The following CCDC40 variants were observed in gnomAD, a reference collection of about 807,000 sequenced individuals.
CCDC40 encodes coiled-coil domain 40 molecular ruler complex subunit.
In CCDC40, 104 loss-of-function variants were observed where a neutral mutation model predicts 124.5. That is an observed-to-expected ratio of 0.84 (90% confidence interval 0.71 to 0.98). The LOEUF (loss-of-function observed/expected upper bound fraction) is 0.98, where lower values mean the gene tolerates loss of function less well. Among genes scored for constraint, CCDC40 ranks in the 50% least tolerant of loss-of-function variants. The pLI is 0.00. For synonymous variants in CCDC40, 580 were observed against 602.9 expected, an observed-to-expected ratio of 0.96 and a Z score of 0.56; for missense variants, 1,463 against 1,503.9, an observed-to-expected ratio of 0.97 and a Z score of 0.45.
At chr17:80,052,161 G>A (rs554011203) in intron 7 of CCDC40, among the ~76,000 whole-genome samples, 1 of 152,344 alleles carries the variant, frequency 6.6e-6, no homozygotes, top group African/African-American at 2.4e-5. Flanking sequence ...GGGTTGTCTA[G>A]AGGGACAGAA....
At chr17:80,050,889 G>A (rs1402439122) in intron 7 of CCDC40, among the ~76,000 whole-genome samples, 1 of 152,206 alleles carries the variant, frequency 6.6e-6, no homozygotes, top group Non-Finnish European at 1.5e-5. Context: ...GAGCAGACCG[G>A]GGGTGATGGA....
chr17:80,048,854 C>T, intron 5 of CCDC40, 93 bp downstream of exon 5: 1 of 1,133,172 alleles, frequency 8.8e-7, no homozygotes, highest in East Asian at 2.6e-5. Flanking sequence ...CACTCCTGAC[C>T]CTAAATGCTG....
chr17:80,039,742 A>G (rs530615141), intron 2 of CCDC40, 70 bp from the exon 3 acceptor site: 21 of 1,560,298 alleles, frequency 1.3e-5, no homozygotes, highest in African/African-American at 6.8e-5. Flanking sequence ...TAATTACACT[A>G]TAAAGAATAA....
At chr17:80,053,930 C>T (rs940360553) in intron 7 of CCDC40, among the ~76,000 whole-genome samples, 2 of 152,294 alleles carry the variant, frequency 1.3e-5, no homozygotes, top group Non-Finnish European at 1.5e-5. Flanking sequence ...TTAACAACAA[C>T]GGGAAGTCCA....
rs1229386289 is a variant in CCDC40 at position 80,100,020 on chromosome 17, GACCCACAC to G, written c.*254_*261del. 16 of 545,818 alleles carry G rather than the reference GACCCACAC, an allele frequency of 2.9e-5. No individual in the cohort carries two copies. The highest frequency in any genetic ancestry group is 5.3e-5 in the Non-Finnish European group (16 of 303,756). The allele number at this position is 545,818 out of a possible 1,614,324, so 33.8% of individuals were successfully genotyped here. A position where few individuals can be genotyped will look rare whatever the true frequency, so the allele number is the denominator to read the frequency against. On this transcript the variant is annotated 3_prime_UTR_variant, in exon 20 of 20. Transcript: ENST00000397545. ...CGCAAAGACAGAGCCTGTGACTGCA[GACCCACAC>G]ACCCACACTCCCACACTGGGCTTAC...
chr17:80,090,317 C>A (rs2038692441), intron 17 of CCDC40: 1 of 1,121,308 alleles, frequency 8.9e-7, no homozygotes, highest in Non-Finnish European at 1.2e-6. Flanking sequence ...ACGAACAACA[C>A]GGGACGCGCG....
chr17:80,057,643 A>G (rs982524458), intron 7 of CCDC40, among the ~76,000 whole-genome samples: 2 of 151,698 alleles, frequency 1.3e-5, no homozygotes, highest in South Asian at 2.1e-4. Context: ...TTGGGAGGCC[A>G]AGGTGGGTGG....
chr17:80,055,997 TATATATATATA>T lies in CCDC40; in HGVS notation c.1160-2496_1160-2486del, dbSNP rs1440812750. Among the ~76,000 whole-genome samples the T allele has an allele frequency of 4.1e-3, 49 of 11,924 alleles. 3 individuals carry two copies. The highest frequency in any genetic ancestry group is 0.02 in the Middle Eastern group (1 of 50). The allele number at this position is 11,924 out of a possible 152,430, so 7.8% of individuals were successfully genotyped here. On this transcript the variant is annotated intron_variant, in intron 7 of 19. Coordinates refer to ENST00000397545, the MANE Select transcript of CCDC40 (RefSeq NM_017950.4). ...GCTAATTTTCATATATATATATATA[TATATATATATA>T]TATATATATTTTTTTTTTTTTTTGG...
At position 80,081,714 on chromosome 17, in the gene CCDC40, G is replaced by A. The variant is rs1364370509; in HGVS notation, c.1731G>A (p.Val577=). The change falls in exon 11 of 20, where the codon GTG becomes GTA. Residue 577 remains valine (V), a synonymous_variant. Transcript: ENST00000397545. ...CCACCCAGTGCCTGACCAAGCAGGT[G>A]GCCCTGCAGAGCCAGTTCAATACCT... ...KLTTQCLTKQ[V]ALQSQFNTYR... is the part of the protein sequence containing the mutation. 1.2e-6 allele frequency: 2 copies of A among 1,614,164 alleles called. No individual in the cohort carries two copies. The highest frequency in any genetic ancestry group is 2.2e-5 in the South Asian group (2 of 91,080).
At position 80,066,373 on chromosome 17, in the gene CCDC40, G is replaced by A. The variant is rs1246271327; in HGVS notation, c.1562+767G>A. 5.4e-6 allele frequency: 3 copies of A among 558,642 alleles called. No homozygotes were observed. The highest frequency in any genetic ancestry group is 4.8e-5 in the South Asian group (2 of 41,812). The allele number at this position is 558,642 out of a possible 1,614,324, so 34.6% of individuals were successfully genotyped here. ...CAACCAGGAGATGCTTTTCCTTTTG[G>A]GTGCTGTGATTAAAGAAACAAAATG... On this transcript the variant is annotated intron_variant, in intron 10 of 19. Transcript: ENST00000397545. The surrounding 1 kb of genome is among the most constrained non-coding windows in gnomAD (Gnocchi z 4.4).
chr17:80,063,760 A>G (rs2037963620), intron 9 of CCDC40, among the ~76,000 whole-genome samples: 1 of 152,184 alleles, frequency 6.6e-6, no homozygotes, highest in Non-Finnish European at 1.5e-5. Context: ...TTGACCTCCC[A>G]AAGTGCTGGG....
At chr17:80,085,473 G>C (rs1324040410) in intron 13 of CCDC40, among the ~76,000 whole-genome samples, 1 of 151,972 alleles carries the variant, frequency 6.6e-6, no homozygotes, top group Non-Finnish European at 1.5e-5. Flanking sequence ...CCCTGCCAGC[G>C]CACCCACCAT....
At chr17:80,059,436 C>T (rs933268281) in intron 9 of CCDC40, among the ~76,000 whole-genome samples, 1 of 151,010 alleles carries the variant, frequency 6.6e-6, no homozygotes, top group East Asian at 1.9e-4. Context: ...TCCCTCTTGG[C>T]CCCAGATTCA....
rs1397967259 is a variant in CCDC40, at chr17:80,048,438, C to T, written c.677-145C>T. 6 of 717,736 alleles carry T rather than the reference C, an allele frequency of 8.4e-6. No individual in the cohort carries two copies. The African/African-American group carries it at 8.7e-5, about 10-fold the overall frequency. The allele number at this position is 717,736 out of a possible 1,614,324, so 44.5% of individuals were successfully genotyped here. On this transcript the variant is annotated intron_variant, in intron 4 of 19. Coordinates refer to ENST00000397545, the MANE Select transcript of CCDC40 (RefSeq NM_017950.4). Reference sequence around the variant, plus strand: ...GATGGGGTGAATGATGTTTCTGACCCACAGACCGTTGGGATGCTTTTGCTG... The same window carrying T: ...GATGGGGTGAATGATGTTTCTGACCTACAGACCGTTGGGATGCTTTTGCTG...
intron 3 of CCDC40, among the ~76,000 whole-genome samples, chr17:80,044,881 G>A (rs1275368928): frequency 6.6e-6 from 1 of 152,058 alleles, no homozygotes; most frequent in East Asian, 1.9e-4. Context: ...ATTGAAGAAA[G>A]GGCAGGGACA....
chr17:80,050,792 G>A (rs1435214946), intron 7 of CCDC40, among the ~76,000 whole-genome samples: 1 of 152,226 alleles, frequency 6.6e-6, no homozygotes, highest in Admixed American at 6.5e-5. Context: ...AAATGCTGAA[G>A]CTGCTAACAG....
rs147928580 is a variant in CCDC40, at chr17:80,079,095, G to A, written c.1563-2451G>A. The stretch of plus-strand genomic sequence containing the variant: ...AACACAGCCACACACCACCACGCCC[G>A]GCTAATTTTTTTTGTATTTTTAGTA... On this transcript the variant is annotated intron_variant, in intron 10 of 19. Coordinates refer to ENST00000397545, the MANE Select transcript of CCDC40 (RefSeq NM_017950.4). Among the ~76,000 whole-genome samples, 1,049 of 152,086 alleles carry A rather than the reference G, an allele frequency of 6.9e-3. 4 individuals carry two copies. Among genetic ancestry groups the A allele is most frequent in the Non-Finnish European group, 0.011 (774 of 67,986 alleles).
intron 1 of CCDC40, among the ~76,000 whole-genome samples, chr17:80,037,362 T>G (rs2037107079): frequency 6.6e-6 from 1 of 152,046 alleles, no homozygotes; most frequent in Admixed American, 6.5e-5. Context: ...TTGGAAAGAG[T>G]TTGGCCTTTT....
At chr17:80,073,845 G>A (rs2143711903) in intron 10 of CCDC40, among the ~76,000 whole-genome samples, 1 of 152,036 alleles carries the variant, frequency 6.6e-6, no homozygotes, top group East Asian at 1.9e-4. Flanking sequence ...GCAGGTGCCT[G>A]CCACCGTGCC....
Sources: gnomAD v4.1 joint callset for allele counts (sites outside exome capture counted in the v4.1 genomes callset) on GRCh38, gnomAD v4.1.1 for gene constraint, Gnocchi (gnomAD v3.1) non-coding constraint, MANE v1.5 for transcripts, NCBI Gene and HGNC (gene_info 2026-07-23, HGNC 2026-07-21) for gene names.